Variants in LRP1B observed in about 807,000 individuals in gnomAD.
The protein encoded by LRP1B is LDL receptor related protein 1B, also known as low-density lipoprotein receptor-related protein 1B.
In LRP1B, 217 loss-of-function variants were observed where a neutral mutation model predicts 556.6. The observed-to-expected ratio is 0.39, with a 90% CI of 0.35 to 0.44. LRP1B has a LOEUF of 0.44. Among genes scored for constraint, LRP1B ranks in the 20% least tolerant of loss-of-function variants. The pLI is 1.00. For missense variants in LRP1B, 5,053 were observed against 5,620.8 expected (o/e 0.90, Z 3.23); for synonymous variants, 2,047 against 1,865.8 (o/e 1.10, Z -2.50).
Position 140,993,249 on chromosome 2 carries a change from T to C in LRP1B, c.2644+746A>G, listed in dbSNP as rs894044178. 3.3e-5 allele frequency among the ~76,000 whole-genome samples: 5 copies of C among 152,096 alleles called. 1 individual carries two copies. Among genetic ancestry groups the C allele is most frequent in the Admixed American group, 1.3e-4 (2 of 15,236 alleles). Reference sequence around the variant, plus strand: ...GATAAAAAGATCAAGGATAAATTTGTTCAACACATGCCTTCTTTTCATATA... The same window carrying C: ...GATAAAAAGATCAAGGATAAATTTGCTCAACACATGCCTTCTTTTCATATA... On this transcript the variant is annotated intron_variant, in intron 16 of 90. Transcript: ENST00000389484.
chr2:141,316,346 C>T (rs773595747), intron 3 of LRP1B, among the ~76,000 whole-genome samples: 8 of 152,162 alleles, frequency 5.3e-5, no homozygotes, highest in Non-Finnish European at 4.4e-5. Flanking sequence ...CCTCCTTTCA[C>T]TATATACCAT....
intron 20 of LRP1B, among the ~76,000 whole-genome samples, chr2:140,923,497 A>T (rs1559197022): frequency 6.6e-6 from 1 of 152,052 alleles, no homozygotes; most frequent in Non-Finnish European, 1.5e-5. Context: ...GCTTTTCTCT[A>T]AGACACATAA....
chr2:141,429,321 C>A (rs537982938), intron 3 of LRP1B, among the ~76,000 whole-genome samples: 1 of 152,238 alleles, frequency 6.6e-6, no homozygotes. Flanking sequence ...TTTCTAATGG[C>A]ACTCCCAAGT....
intron 1 of LRP1B, among the ~76,000 whole-genome samples, chr2:141,842,304 AT>A (rs1195145395): frequency 1.3e-5 from 2 of 152,026 alleles, no homozygotes; most frequent in Admixed American, 6.6e-5. Context: ...TTTAGGTAAA[AT>A]TTGAGATTTG....
At chr2:140,410,572 T>C (rs996883026) in intron 66 of LRP1B, among the ~76,000 whole-genome samples, 2 of 152,158 alleles carry the variant, frequency 1.3e-5, no homozygotes, top group Non-Finnish European at 2.9e-5. Flanking sequence ...ATGCTTGAGC[T>C]GAATTTAATA....
At chr2:141,722,776 A>AGATAGATC (rs766368532) in intron 2 of LRP1B, among the ~76,000 whole-genome samples, 10 of 148,330 alleles carry the variant, frequency 6.7e-5, no homozygotes, top group Admixed American at 2.7e-4. Flanking sequence ...ATAGATAGAT[A>AGATAGATC]GATCAATCTA....
intron 3 of LRP1B, among the ~76,000 whole-genome samples, chr2:141,290,066 G>T (rs1253901054): frequency 6.6e-6 from 1 of 152,034 alleles, no homozygotes; most frequent in African/African-American, 2.4e-5. Flanking sequence ...CAGAATTCAG[G>T]CCAAGGGCTA....
intron 1 of LRP1B, among the ~76,000 whole-genome samples, chr2:142,019,149 C>A (rs905438472): frequency 1.3e-5 from 2 of 152,078 alleles, no homozygotes; most frequent in Admixed American, 6.6e-5. Context: ...AGATTTTAGT[C>A]CTTTCAAATC....
chr2:141,161,825 C>T (rs10183137), intron 7 of LRP1B, among the ~76,000 whole-genome samples: 47,303 of 151,920 alleles, frequency 0.31, 7,863 homozygotes, highest in East Asian at 0.66. Context: ...GCACAGCACC[C>T]ACCTGTGTCT....
chr2:141,475,022 A>G (rs1415855116), intron 3 of LRP1B, among the ~76,000 whole-genome samples: 3 of 152,196 alleles, frequency 2.0e-5, no homozygotes, highest in Non-Finnish European at 2.9e-5. Flanking sequence ...TATTCTTTTA[A>G]CAGGATAAGG....
intron 2 of LRP1B, among the ~76,000 whole-genome samples, chr2:141,734,733 G>A (rs7576403): frequency 5.3e-5 from 8 of 152,042 alleles, no homozygotes; most frequent in African/African-American, 1.7e-4. Flanking sequence ...TGGATGATAA[G>A]AAGTGCTGCA....
intron 7 of LRP1B, among the ~76,000 whole-genome samples, chr2:141,170,290 C>T (rs987883989): frequency 1.3e-5 from 2 of 152,020 alleles, no homozygotes; most frequent in African/African-American, 2.4e-5. Context: ...ATAATCCCCT[C>T]GTTGTTTGAT....
chr2:140,738,212 A>G (rs2105515663), intron 35 of LRP1B, among the ~76,000 whole-genome samples: 1 of 152,212 alleles, frequency 6.6e-6, no homozygotes, highest in African/African-American at 2.4e-5. Context: ...GTGTCACCAT[A>G]CTTGCATGGA....
At chr2:141,338,742 T>C (rs939044193) in intron 3 of LRP1B, among the ~76,000 whole-genome samples, 6 of 152,186 alleles carry the variant, frequency 3.9e-5, no homozygotes, top group Non-Finnish European at 8.8e-5. Flanking sequence ...TTTTGCCCTC[T>C]TCAAATCTAT....
rs1700260300 is a variant in LRP1B, at chr2:141,923,674, G to C, written c.83-113273C>G. On this transcript the variant is annotated intron_variant, in intron 1 of 90. Coordinates refer to ENST00000389484, the MANE Select transcript of LRP1B (RefSeq NM_018557.3). The stretch of plus-strand genomic sequence containing the variant: ...AATGTCTGTAATGACCTTAATTCAT[G>C]AGTTAAGATCTCCCTTGATGATATC... 4.0e-5 allele frequency among the ~76,000 whole-genome samples: 6 copies of C among 150,932 alleles called. No homozygotes were observed. The South Asian group carries it at 1.3e-3, about 32-fold the overall frequency.
chr2:141,179,060 A>G (rs181267153), intron 7 of LRP1B, among the ~76,000 whole-genome samples: 103 of 152,198 alleles, frequency 6.8e-4, no homozygotes, highest in African/African-American at 1.9e-3. Context: ...TATAAATTAT[A>G]ATTGTTTTAT....
chr2:141,328,676 G>C (rs941858030), intron 3 of LRP1B, among the ~76,000 whole-genome samples: 1 of 152,146 alleles, frequency 6.6e-6, no homozygotes, highest in African/African-American at 2.4e-5. Flanking sequence ...TACTGTTCTG[G>C]GAGTATTTCT....
chr2:141,396,931 G>A (rs1389585047), intron 3 of LRP1B, among the ~76,000 whole-genome samples: 1 of 151,482 alleles, frequency 6.6e-6, no homozygotes, highest in Non-Finnish European at 1.5e-5. Flanking sequence ...TGACCAACTT[G>A]GAGAAACCCC....
At chr2:142,055,580 T>G (rs1024991620) in intron 1 of LRP1B, among the ~76,000 whole-genome samples, 1 of 152,138 alleles carries the variant, frequency 6.6e-6, no homozygotes. Flanking sequence ...TCCTTCACCT[T>G]ATTATATACC....
Sources: gnomAD v4.1 joint callset for allele counts (sites outside exome capture counted in the v4.1 genomes callset) on GRCh38, gnomAD v4.1.1 for gene constraint, MANE v1.5 for transcripts, NCBI Gene and HGNC (gene_info 2026-07-23, HGNC 2026-07-21) for gene names.